HS3ST4: variants seen among roughly 807,000 people sequenced by gnomAD.
HS3ST4 encodes the protein heparan sulfate-glucosamine 3-sulfotransferase 4.
A neutral mutation model predicts 29.2 loss-of-function variants in HS3ST4; 17 were observed. That is an observed-to-expected ratio of 0.58 (90% CI 0.40 to 0.87). The LOEUF is 0.87. HS3ST4 is among the 40% of genes least tolerant of loss of function. HS3ST4 has a pLI of 0.00. For missense variants in HS3ST4, 627 were observed against 634.5 expected, an observed-to-expected ratio of 0.99 and a Z score of 0.13; for synonymous variants, 314 against 285.7, an observed-to-expected ratio of 1.10 and a Z score of -1.00.
intron 1 of HS3ST4, among the ~76,000 whole-genome samples, chr16:25,874,379 A>G (rs763301627): frequency 6.6e-6 from 1 of 152,188 alleles, no homozygotes; most frequent in Non-Finnish European, 1.5e-5. Context: ...TCCAAATCAC[A>G]CAGATGGTAA....
intron 1 of HS3ST4, among the ~76,000 whole-genome samples, chr16:25,782,234 C>G (rs917178550): frequency 6.6e-6 from 1 of 152,202 alleles, no homozygotes; most frequent in African/African-American, 2.4e-5. Context: ...TCACTTCCCA[C>G]CAGGTTCCTC....
At position 25,939,157 on chromosome 16, in the gene HS3ST4, G is replaced by C. The variant is rs1012727097; in HGVS notation, c.735-196455G>C. On this transcript the variant is annotated intron_variant, in intron 1 of 1. Coordinates refer to ENST00000331351, the MANE Select transcript of HS3ST4 (RefSeq NM_006040.3). ...CCTCATTGGGCCAGGTGGGGATGGT[G>C]GTGGGGAATAGATGCTACACTGCAT... Among the ~76,000 whole-genome samples the C allele has an allele frequency of 4.6e-5, 7 of 152,028 alleles. No homozygotes were observed. In the South Asian group the frequency reaches 6.2e-4, roughly 14 times the overall value.
chr16:25,823,845 T>A (rs904721010), intron 1 of HS3ST4, among the ~76,000 whole-genome samples: 1 of 152,260 alleles, frequency 6.6e-6, no homozygotes, highest in African/African-American at 2.4e-5. Context: ...ATTACAGGCT[T>A]AAGCCACTGC....
At chr16:26,068,501 G>A (rs566636556) in intron 1 of HS3ST4, among the ~76,000 whole-genome samples, 53 of 152,272 alleles carry the variant, frequency 3.5e-4, no homozygotes, top group African/African-American at 1.3e-3. Flanking sequence ...TAACCAGTCA[G>A]AGTGTGAAAG....
intron 1 of HS3ST4, among the ~76,000 whole-genome samples, chr16:25,919,851 T>C (rs977292824): frequency 1.3e-5 from 2 of 151,572 alleles, no homozygotes; most frequent in African/African-American, 4.8e-5. Flanking sequence ...GAATTCATAT[T>C]TGAGAGAGCT....
chr16:25,953,618 C>G (rs1189844128), intron 1 of HS3ST4, among the ~76,000 whole-genome samples: 1 of 152,118 alleles, frequency 6.6e-6, no homozygotes, highest in Non-Finnish European at 1.5e-5. Context: ...ATGGGTGGAG[C>G]ATGAGTGGCC....
At chr16:25,881,241 A>G (rs1967892925) in intron 1 of HS3ST4, among the ~76,000 whole-genome samples, 1 of 152,172 alleles carries the variant, frequency 6.6e-6, no homozygotes, top group Non-Finnish European at 1.5e-5. Context: ...CATTTTGAGT[A>G]TTTTCATAGC....
intron 1 of HS3ST4, among the ~76,000 whole-genome samples, chr16:25,786,930 C>T (rs1445506380): frequency 6.6e-6 from 1 of 152,208 alleles, no homozygotes; most frequent in Non-Finnish European, 1.5e-5. Context: ...ACAGCAGATT[C>T]TCATGGGAGG....
intron 1 of HS3ST4, among the ~76,000 whole-genome samples, chr16:25,935,970 T>G (rs1000909888): frequency 1.3e-5 from 2 of 152,212 alleles, no homozygotes; most frequent in Admixed American, 6.5e-5. Flanking sequence ...TTGCCATGTT[T>G]CCCAGGCTTG....
At chr16:25,731,743 A>G (rs757266331) in intron 1 of HS3ST4, among the ~76,000 whole-genome samples, 6 of 152,186 alleles carry the variant, frequency 3.9e-5, no homozygotes, top group Non-Finnish European at 4.4e-5. Flanking sequence ...GAGGGTTTGG[A>G]CATCCTTAGC....
At chr16:25,816,635 C>CT (rs1200360409) in intron 1 of HS3ST4, among the ~76,000 whole-genome samples, 4 of 151,974 alleles carry the variant, frequency 2.6e-5, no homozygotes, top group Admixed American at 6.6e-5. Context: ...GTGTCTTAGT[C>CT]TTTTTTTTCT....
At chr16:25,734,155 C>T (rs148084234) in intron 1 of HS3ST4, among the ~76,000 whole-genome samples, 158 of 152,214 alleles carry the variant, frequency 1.0e-3, no homozygotes, top group African/African-American at 3.6e-3. Flanking sequence ...CACATTGTAG[C>T]GACATATACT....
intron 1 of HS3ST4, among the ~76,000 whole-genome samples, chr16:25,702,163 G>T (rs538116292): frequency 6.6e-6 from 1 of 152,086 alleles, no homozygotes; most frequent in African/African-American, 2.4e-5. Flanking sequence ...AAGGAGAAAG[G>T]GGGGAGGTAG....
intron 1 of HS3ST4, among the ~76,000 whole-genome samples, chr16:25,782,323 C>A (rs909693261): frequency 6.6e-6 from 1 of 152,150 alleles, no homozygotes; most frequent in Non-Finnish European, 1.5e-5. Context: ...AGCCACCAAA[C>A]GGAAGTACCT....
At chr16:25,897,770 C>T (rs1968083403) in intron 1 of HS3ST4, among the ~76,000 whole-genome samples, 1 of 152,106 alleles carries the variant, frequency 6.6e-6, no homozygotes, top group Non-Finnish European at 1.5e-5. Flanking sequence ...AGGGCTGCCT[C>T]ACTGAAAAGA....
chr16:26,026,755 CATA>C (rs968453673), intron 1 of HS3ST4, among the ~76,000 whole-genome samples: 1 of 152,178 alleles, frequency 6.6e-6, no homozygotes, highest in Non-Finnish European at 1.5e-5. Context: ...GTGGGGTCGT[CATA>C]ATTGTTTTGG....
intron 1 of HS3ST4, among the ~76,000 whole-genome samples, chr16:25,872,022 A>T (rs1418289271): frequency 1.3e-5 from 2 of 152,138 alleles, no homozygotes; most frequent in Non-Finnish European, 2.9e-5. Flanking sequence ...CCAGCTCCTG[A>T]TACAACCACT....
intron 1 of HS3ST4, among the ~76,000 whole-genome samples, chr16:25,931,708 T>C (rs1208847728): frequency 6.6e-6 from 1 of 152,226 alleles, no homozygotes; most frequent in Admixed American, 6.5e-5. Context: ...TTCTGTTTGG[T>C]GGGAAGCAGT....
At chr16:26,061,628 C>A (rs1477325924) in intron 1 of HS3ST4, among the ~76,000 whole-genome samples, 1 of 152,168 alleles carries the variant, frequency 6.6e-6, no homozygotes, top group Non-Finnish European at 1.5e-5. Context: ...CCAAACTAGT[C>A]TAAGTGGCTG....
Sources: gnomAD v4.1 joint callset for allele counts (sites outside exome capture counted in the v4.1 genomes callset) on GRCh38, gnomAD v4.1.1 for gene constraint, MANE v1.5 for transcripts, NCBI Gene and HGNC (gene_info 2026-07-23, HGNC 2026-07-21) for gene names.